The following TPD52L1 variants were observed in gnomAD, a reference collection of about 807,000 sequenced individuals.
TPD52L1 encodes the protein TPD52 like 1, also known as tumor protein D53.
A neutral mutation model predicts 28.7 loss-of-function variants in TPD52L1; 18 were observed. That is an observed-to-expected ratio of 0.63 (90% CI 0.43 to 0.93). The LOEUF is 0.93. Ranked by LOEUF, TPD52L1 falls within the 40% of genes least tolerant of loss-of-function variation. TPD52L1 has a pLI of 0.00. For synonymous variants in TPD52L1, 75 were observed against 88.8 expected (o/e 0.84, Z 0.88); for missense variants, 203 against 254.8 (o/e 0.80, Z 1.39).
intron 6 of TPD52L1, chr6:125,260,956 GA>G (rs1424949903): frequency 6.1e-4 from 26 of 42,764 alleles, no homozygotes; most frequent in African/African-American, 5.4e-3. Context: ...AAGAAAGAAA[GA>G]AAGAAAGAAA....
At chr6:125,176,807 T>C (rs950896608) in intron 1 of TPD52L1, among the ~76,000 whole-genome samples, 1 of 152,058 alleles carries the variant, frequency 6.6e-6, no homozygotes, top group Non-Finnish European at 1.5e-5. Flanking sequence ...GAAGCTGAGG[T>C]AGGTGGATCA....
chr6:125,180,884 T>G (rs1792147955), intron 1 of TPD52L1, among the ~76,000 whole-genome samples: 1 of 151,908 alleles, frequency 6.6e-6, no homozygotes, highest in Non-Finnish European at 1.5e-5. Context: ...CTTGCTATTA[T>G]CATAGGTCTT....
chr6:125,189,678 G>A (rs191636891), intron 1 of TPD52L1, among the ~76,000 whole-genome samples: 13 of 152,224 alleles, frequency 8.5e-5, no homozygotes, highest in African/African-American at 3.1e-4. Context: ...ATGGGGAAAG[G>A]TTGGCAACCT....
intron 1 of TPD52L1, among the ~76,000 whole-genome samples, chr6:125,192,519 C>G (rs1185007701): frequency 6.6e-6 from 1 of 151,986 alleles, no homozygotes; most frequent in Non-Finnish European, 1.5e-5. Context: ...GCCAGAGAGC[C>G]CTTGATTTTA....
At chr6:125,262,686 A>C in intron 6 of TPD52L1, 148 bp from the exon 7 acceptor site, 1 of 1,123,042 alleles carries the variant, frequency 8.9e-7, no homozygotes, top group East Asian at 2.6e-5. Context: ...ACTCTACTAA[A>C]GGAAACAAAC....
chr6:125,160,703 G>C (rs1203797556), intron 1 of TPD52L1, among the ~76,000 whole-genome samples: 2 of 152,120 alleles, frequency 1.3e-5, no homozygotes, highest in Non-Finnish European at 2.9e-5. Context: ...TCTTCTTCCA[G>C]TGTAAGGCTG....
At chr6:125,193,852 G>C (rs1793223865) in intron 1 of TPD52L1, among the ~76,000 whole-genome samples, 1 of 152,100 alleles carries the variant, frequency 6.6e-6, no homozygotes, top group Non-Finnish European at 1.5e-5. Flanking sequence ...TGCAGAGTGA[G>C]CTGGGGCTTT....
chr6:125,154,594 GGCC>G, intron 1 of TPD52L1: 6 of 949,054 alleles, frequency 6.3e-6, no homozygotes, highest in Non-Finnish European at 7.5e-6. Context: ...CGGGGCCCCC[GGCC>G]GCCCAGCTCC....
chr6:125,229,482 T>C (rs1459929696), intron 3 of TPD52L1, among the ~76,000 whole-genome samples: 1 of 152,272 alleles, frequency 6.6e-6, no homozygotes, highest in Non-Finnish European at 1.5e-5. Flanking sequence ...AAAACTCTGT[T>C]CACTGAAACT....
chr6:125,167,974 C>T (rs1217925074), intron 1 of TPD52L1, among the ~76,000 whole-genome samples: 1 of 152,108 alleles, frequency 6.6e-6, no homozygotes, highest in Non-Finnish European at 1.5e-5. Context: ...ATATTTGCCA[C>T]CTCAAATTAA....
At chr6:125,194,327 T>C (rs1329750757) in intron 1 of TPD52L1, among the ~76,000 whole-genome samples, 1 of 152,214 alleles carries the variant, frequency 6.6e-6, no homozygotes, top group Non-Finnish European at 1.5e-5. Context: ...TAAGGCCGTT[T>C]ATAACTCAAC....
At chr6:125,231,451 G>A (rs917645968) in intron 3 of TPD52L1, among the ~76,000 whole-genome samples, 4 of 152,180 alleles carry the variant, frequency 2.6e-5, no homozygotes, top group African/African-American at 7.2e-5. Context: ...TCCCACAGGG[G>A]ATAATGTCTA....
At chr6:125,242,583 T>A (rs1481483594) in intron 3 of TPD52L1, among the ~76,000 whole-genome samples, 1 of 152,158 alleles carries the variant, frequency 6.6e-6, no homozygotes. Flanking sequence ...CTTTAAAGTC[T>A]GTTTTGCTTG....
In TPD52L1 at chr6:125,229,254, A is replaced by G; in HGVS notation, c.272A>G (p.Gln91Arg). 1 of 1,613,084 alleles carries G rather than the reference A, an allele frequency of 6.2e-7. No homozygotes were observed. Among genetic ancestry groups the G allele is most frequent in the Non-Finnish European group, 8.5e-7 (1 of 1,179,526 alleles). Residue 91 changes from glutamine to arginine, a missense_variant, in exon 3 of 7, where the codon CAG becomes CGG. Physicochemically the swap from Gln to Arg is conservative, Grantham distance 43. Coordinates refer to ENST00000534000, the MANE Select transcript of TPD52L1 (RefSeq NM_003287.4). Reference protein sequence around the residue: ...QNFSKSWHDMQTTTAYKKTHE... With the variant: ...QNFSKSWHDMRTTTAYKKTHE... ...TTCAGCAAAAGCTGGCATGACATGC[A>G]GACTACCACTGCGTAAGTATCATAT...
At chr6:125,194,839 G>A (rs1481209435) in intron 1 of TPD52L1, among the ~76,000 whole-genome samples, 3 of 152,152 alleles carry the variant, frequency 2.0e-5, no homozygotes, top group Admixed American at 6.5e-5. Flanking sequence ...CTTATTTATA[G>A]TTAGTTGGTG....
chr6:125,197,905 A>G (rs1793549413), intron 1 of TPD52L1, among the ~76,000 whole-genome samples: 1 of 152,186 alleles, frequency 6.6e-6, no homozygotes, highest in Non-Finnish European at 1.5e-5. Context: ...AAGGCTGGGT[A>G]AATGCTGCAG....
chr6:125,258,613 G>T (rs536907755), intron 6 of TPD52L1, among the ~76,000 whole-genome samples: 1 of 152,184 alleles, frequency 6.6e-6, no homozygotes, highest in Non-Finnish European at 1.5e-5. Flanking sequence ...AGCAAAAGAA[G>T]AATAAAGAAC....
intron 1 of TPD52L1, among the ~76,000 whole-genome samples, chr6:125,197,741 C>A (rs963133144): frequency 2.0e-5 from 3 of 152,102 alleles, no homozygotes; most frequent in African/African-American, 7.2e-5. Context: ...TTGCCCCATC[C>A]AATTTTCAGA....
intron 1 of TPD52L1, among the ~76,000 whole-genome samples, chr6:125,170,605 T>A (rs994510265): frequency 6.6e-6 from 1 of 151,984 alleles, no homozygotes; most frequent in African/African-American, 2.4e-5. Flanking sequence ...CTCAGAGAAC[T>A]AGTACAAGGA....
Sources: allele counts gnomAD v4.1 joint callset (sites outside exome capture counted in the v4.1 genomes callset), GRCh38; gene constraint gnomAD v4.1.1; transcripts MANE v1.5; gene names NCBI Gene and HGNC (gene_info 2026-07-23, HGNC 2026-07-21).